ANKRD6: variants seen among roughly 807,000 people sequenced by gnomAD.
ANKRD6 encodes the protein ankyrin repeat domain 6, also known as ankyrin repeat domain-containing protein 6.
A neutral mutation model predicts 82.3 loss-of-function variants in ANKRD6; 56 were observed. The ratio of observed to expected loss-of-function variants is 0.68; its 90% CI spans 0.55 to 0.85. ANKRD6 has a LOEUF of 0.85. Ranked by LOEUF, ANKRD6 falls within the 40% of genes least tolerant of loss-of-function variation. The pLI is 0.00. For missense variants in ANKRD6, 852 were observed against 907.6 expected, an observed-to-expected ratio of 0.94 and a Z score of 0.79; for synonymous variants, 347 against 352.1, an observed-to-expected ratio of 0.99 and a Z score of 0.16.
chr6:89,535,071 TG>T (rs969762010), intron 1 of ANKRD6, among the ~76,000 whole-genome samples: 58 of 152,154 alleles, frequency 3.8e-4, no homozygotes, highest in African/African-American at 1.3e-3. Flanking sequence ...ATAGCTTCTT[TG>T]GGGGGAAAAA....
intron 1 of ANKRD6, among the ~76,000 whole-genome samples, chr6:89,480,944 A>AAAAAAAG (rs1776726645): frequency 6.7e-6 from 1 of 149,246 alleles, no homozygotes; most frequent in East Asian, 1.9e-4. Flanking sequence ...CCTGTCTCAA[A>AAAAAAAG]AAAAAAAAAA....
At chr6:89,613,707 C>A in intron 6 of ANKRD6, 85 bp from the exon 7 acceptor site, 7 of 1,257,276 alleles carry the variant, frequency 5.6e-6, no homozygotes, top group Non-Finnish European at 6.8e-6. Flanking sequence ...AGTCTGCTAG[C>A]TTTTAAATAA....
intron 1 of ANKRD6, among the ~76,000 whole-genome samples, chr6:89,477,030 C>A (rs560441345): frequency 6.6e-6 from 1 of 152,308 alleles, no homozygotes; most frequent in South Asian, 2.1e-4. Flanking sequence ...CTGCAAGCTC[C>A]GCCTCACGGG....
chr6:89,447,254 C>CA (rs1193760186), intron 1 of ANKRD6, among the ~76,000 whole-genome samples: 3 of 150,004 alleles, frequency 2.0e-5, no homozygotes, highest in Non-Finnish European at 3.0e-5. Flanking sequence ...GACCCTGTCT[C>CA]AAAAAAAAGG....
In ANKRD6 at chr6:89,608,368, C is replaced by CACACACACACACACACACACTATATA; in HGVS notation, c.417+2263_417+2264insACACACACACACACACACACTATATA. ...ACCCTCCCTAATACACACACACACA[C>CACACACACACACACACACACTATATA]TATATATATATATATATGTACAATT... On this transcript the variant is annotated intron_variant, in intron 5 of 15. Coordinates refer to ENST00000339746, the MANE Select transcript of ANKRD6 (RefSeq NM_001242809.2). Among the ~76,000 whole-genome samples, 62 of 130,798 alleles carry CACACACACACACACACACACTATATA rather than the reference C, an allele frequency of 4.7e-4. 1 individual carries two copies. Among genetic ancestry groups the CACACACACACACACACACACTATATA allele is most frequent in the African/African-American group, 1.7e-3 (57 of 32,804 alleles). The allele number at this position is 130,798 out of a possible 152,430, so 85.8% of individuals were successfully genotyped here. A position where few individuals can be genotyped will look rare whatever the true frequency, so the allele number is the denominator to read the frequency against.
chr6:89,609,997 C>T (rs1179898), intron 5 of ANKRD6, among the ~76,000 whole-genome samples: 4,691 of 152,212 alleles, frequency 0.031, 217 homozygotes, highest in African/African-American at 0.11. Flanking sequence ...TTTGTACCAG[C>T]CATAGCCCGT....
rs1459254648 is a variant in ANKRD6 at position 89,633,268 on chromosome 6, G to A, written c.*2264G>A. The A allele has an allele frequency of 6.6e-6, 1 of 152,214 alleles. No individual in the cohort carries two copies. Among genetic ancestry groups the A allele is most frequent in the East Asian group, 1.9e-4 (1 of 5,196 alleles). The allele number at this position is 152,214 out of a possible 1,614,324, so 9.4% of individuals were successfully genotyped here. ...GGCTCAGTCAGCATCCTCACCCAGA[G>A]ATGGCAACATCTATTAAGACCAATG... On this transcript the variant is annotated 3_prime_UTR_variant, in exon 16 of 16. Transcript: ENST00000339746.
chr6:89,598,953 G>C (rs539103026), intron 3 of ANKRD6, among the ~76,000 whole-genome samples: 65 of 152,280 alleles, frequency 4.3e-4, no homozygotes, highest in African/African-American at 1.5e-3. Flanking sequence ...GCAGCTTGGG[G>C]TGAGTGCAAA....
intron 1 of ANKRD6, among the ~76,000 whole-genome samples, chr6:89,543,055 A>T (rs1480849641): frequency 6.6e-6 from 1 of 152,208 alleles, no homozygotes; most frequent in Admixed American, 6.5e-5. Flanking sequence ...TTTTTACGGT[A>T]CTTAACATTC....
intron 2 of ANKRD6, among the ~76,000 whole-genome samples, chr6:89,591,388 C>A (rs1187704881): frequency 6.6e-6 from 1 of 152,216 alleles, no homozygotes; most frequent in South Asian, 2.1e-4. Flanking sequence ...AGGCGTGAAC[C>A]ACCTTGCCTG....
At chr6:89,624,990 A>G (rs1805109614) in intron 13 of ANKRD6, among the ~76,000 whole-genome samples, 1 of 152,204 alleles carries the variant, frequency 6.6e-6, no homozygotes, top group Non-Finnish European at 1.5e-5. Context: ...CACTGTTAAT[A>G]TTTGGGTTTA....
chr6:89,613,989 T>A, intron 7 of ANKRD6, 99 bp downstream of exon 7: 4 of 1,229,892 alleles, frequency 3.3e-6, no homozygotes, highest in Non-Finnish European at 4.5e-6. Flanking sequence ...GCTGGGAAGC[T>A]GCCATGTCAC....
intron 5 of ANKRD6, among the ~76,000 whole-genome samples, chr6:89,609,458 C>T (rs868019098): frequency 4.0e-5 from 6 of 151,506 alleles, no homozygotes; most frequent in Middle Eastern, 6.8e-3. Context: ...CCTGCCATCA[C>T]GCTCAGCTAA....
intron 1 of ANKRD6, among the ~76,000 whole-genome samples, chr6:89,459,598 C>T (rs762987285): frequency 6.6e-6 from 1 of 152,188 alleles, no homozygotes; most frequent in Non-Finnish European, 1.5e-5. Flanking sequence ...CTCCTGGGCT[C>T]AAGTGATCCT....
At position 89,629,112 on chromosome 6, in the gene ANKRD6, A is replaced by G; in HGVS notation, c.1486A>G (p.Ile496Val). The G allele has an allele frequency of 6.2e-7, 1 of 1,607,706 alleles. No homozygotes were observed. Among genetic ancestry groups the G allele is most frequent in the Non-Finnish European group, 8.5e-7 (1 of 1,178,360 alleles). ...TGTGGGGTTTGTTTTTTTTTTTAAGATATCCTTGGTGGATGAATTAAAAAC... is the reference window on the plus strand; with the variant it reads ...TGTGGGGTTTGTTTTTTTTTTTAAGGTATCCTTGGTGGATGAATTAAAAAC... Reference protein sequence around the residue: ...TEKHEGEKRQISLVDELKTWC... With the variant: ...TEKHEGEKRQVSLVDELKTWC... Residue 496 changes from isoleucine (I) to valine (V), a missense_variant and splice_region_variant, in exon 15 of 16, where the codon ATA becomes GTA. Transcript: ENST00000339746.
chr6:89,564,637 G>A lies in ANKRD6; in HGVS notation c.-143-2197G>A, dbSNP rs531224205. On this transcript the variant is annotated intron_variant, in intron 1 of 15. Coordinates refer to ENST00000339746, the MANE Select transcript of ANKRD6 (RefSeq NM_001242809.2). ...GGCTGCACAGCACTGCTGGTGTGGA[G>A]CTTGTGACCTCAACTGATGGGCTGT... Among the ~76,000 whole-genome samples, 5 of 152,188 alleles carry A rather than the reference G, an allele frequency of 3.3e-5. No individual in the cohort carries two copies. The South Asian group carries it at 1.0e-3, about 32-fold the overall frequency.
intron 1 of ANKRD6, among the ~76,000 whole-genome samples, chr6:89,497,042 T>A (rs141278346): frequency 3.4e-4 from 52 of 152,352 alleles, no homozygotes; most frequent in African/African-American, 1.3e-3. Flanking sequence ...TTGTATAAAT[T>A]CCAACTTGTC....
intron 1 of ANKRD6, among the ~76,000 whole-genome samples, chr6:89,518,939 C>T (rs948590300): frequency 1.3e-5 from 2 of 152,172 alleles, no homozygotes; most frequent in African/African-American, 4.8e-5. Context: ...GAGGCCTTTC[C>T]CCTCAGCTTG....
chr6:89,442,521 T>C (rs1217714015), intron 1 of ANKRD6, among the ~76,000 whole-genome samples: 1 of 147,440 alleles, frequency 6.8e-6, no homozygotes, highest in Non-Finnish European at 1.5e-5. Context: ...TATTCAGGAG[T>C]CTGAGGTAAG....
Sources: allele counts gnomAD v4.1 joint callset (sites outside exome capture counted in the v4.1 genomes callset), GRCh38; gene constraint gnomAD v4.1.1; transcripts MANE v1.5; gene names NCBI Gene and HGNC (gene_info 2026-07-23, HGNC 2026-07-21).